The following ARHGAP15 variants were observed in gnomAD, a reference collection of about 807,000 sequenced individuals.
ARHGAP15 encodes the protein Rho GTPase activating protein 15.
In ARHGAP15, 51 loss-of-function variants were observed where a neutral mutation model predicts 63.7. The ratio of observed to expected loss-of-function variants is 0.80; its 90% CI spans 0.64 to 1.01. The LOEUF is 1.01. Ranked by LOEUF, ARHGAP15 falls within the 50% of genes least tolerant of loss-of-function variation. ARHGAP15 has a pLI of 0.00. For synonymous variants in ARHGAP15, 191 were observed against 193.8 expected (o/e 0.99, Z 0.12); for missense variants, 560 against 564.6 (o/e 0.99, Z 0.08).
intron 2 of ARHGAP15, among the ~76,000 whole-genome samples, chr2:143,173,690 G>A (rs930369285): frequency 1.3e-4 from 19 of 151,990 alleles, no homozygotes; most frequent in African/African-American, 4.3e-4. Flanking sequence ...TTTACAGTTT[G>A]CCCCAGGATA....
chr2:143,163,455 A>T (rs1478291405), intron 2 of ARHGAP15, among the ~76,000 whole-genome samples: 1 of 151,600 alleles, frequency 6.6e-6, no homozygotes, highest in African/African-American at 2.4e-5. Flanking sequence ...ATATGGAGAG[A>T]TGTATTTGTA....
intron 6 of ARHGAP15, among the ~76,000 whole-genome samples, chr2:143,307,731 G>A (rs1683240019): frequency 6.6e-6 from 1 of 152,096 alleles, no homozygotes; most frequent in Non-Finnish European, 1.5e-5. Flanking sequence ...ACCTTCCAAT[G>A]ACTTAGGACT....
intron 6 of ARHGAP15, among the ~76,000 whole-genome samples, chr2:143,363,298 T>C (rs563486086): frequency 9.7e-4 from 148 of 152,282 alleles, no homozygotes; most frequent in African/African-American, 3.4e-3. Flanking sequence ...CCCAGCACTT[T>C]TGGAGGCCAA....
chr2:143,300,607 A>G (rs1358227608), intron 6 of ARHGAP15, among the ~76,000 whole-genome samples: 2 of 152,128 alleles, frequency 1.3e-5, no homozygotes, highest in South Asian at 4.1e-4. Flanking sequence ...GGACCCTGGT[A>G]CCTTGCATTC....
intron 13 of ARHGAP15, among the ~76,000 whole-genome samples, chr2:143,746,938 A>T (rs1035238000): frequency 1.3e-5 from 2 of 152,178 alleles, no homozygotes; most frequent in African/African-American, 4.8e-5. Context: ...GGCCATAAGG[A>T]TACATGAGCA....
intron 11 of ARHGAP15, among the ~76,000 whole-genome samples, chr2:143,616,965 T>C (rs1205924644): frequency 2.6e-5 from 4 of 152,200 alleles, no homozygotes; most frequent in Admixed American, 1.3e-4. Flanking sequence ...ATGGCAACCA[T>C]GCAATATTTC....
At chr2:143,566,454 C>T (rs529955898) in intron 11 of ARHGAP15, among the ~76,000 whole-genome samples, 12 of 152,162 alleles carry the variant, frequency 7.9e-5, no homozygotes, top group Admixed American at 7.2e-4. Context: ...CCTTTCCATT[C>T]ACATGGAGCC....
chr2:143,393,653 C>T (rs1046376343), intron 6 of ARHGAP15, among the ~76,000 whole-genome samples: 3 of 140,552 alleles, frequency 2.1e-5, no homozygotes, highest in African/African-American at 8.1e-5. Flanking sequence ...TGGCTTGAAG[C>T]TTGGAGGCAG....
chr2:143,350,051 G>A (rs778540002), intron 6 of ARHGAP15, among the ~76,000 whole-genome samples: 7 of 152,014 alleles, frequency 4.6e-5, no homozygotes, highest in East Asian at 3.9e-4. Context: ...TAATATTATC[G>A]TAGTTTTATT....
At chr2:143,214,221 A>G (rs1357136178) in intron 3 of ARHGAP15, among the ~76,000 whole-genome samples, 2 of 152,198 alleles carry the variant, frequency 1.3e-5, no homozygotes, top group African/African-American at 4.8e-5. Flanking sequence ...AGGTTTTTGT[A>G]GTTTTTTTGG....
At chr2:143,184,758 C>T (rs1012330228) in intron 2 of ARHGAP15, among the ~76,000 whole-genome samples, 3 of 152,052 alleles carry the variant, frequency 2.0e-5, no homozygotes, top group African/African-American at 7.2e-5. Flanking sequence ...TATAGCTCAC[C>T]ACAGCCTTGA....
At chr2:143,133,850 A>G (rs1399045490) in intron 1 of ARHGAP15, among the ~76,000 whole-genome samples, 1 of 152,164 alleles carries the variant, frequency 6.6e-6, no homozygotes, top group Non-Finnish European at 1.5e-5. Context: ...AACCATATAT[A>G]TATGCACATC....
chr2:143,399,366 T>TA (rs1454925508), intron 6 of ARHGAP15, among the ~76,000 whole-genome samples: 5 of 146,044 alleles, frequency 3.4e-5, no homozygotes, highest in South Asian at 2.2e-4. Flanking sequence ...GGCAAAAAAA[T>TA]AAAAAAAAAT....
intron 6 of ARHGAP15, among the ~76,000 whole-genome samples, chr2:143,332,697 T>C (rs552078678): frequency 6.6e-6 from 1 of 152,296 alleles, no homozygotes; most frequent in Non-Finnish European, 1.5e-5. Flanking sequence ...CGATTGCTTT[T>C]ATTTGCTTGG....
At chr2:143,203,186 T>A (rs1394002005) in intron 3 of ARHGAP15, among the ~76,000 whole-genome samples, 1 of 151,902 alleles carries the variant, frequency 6.6e-6, no homozygotes, top group Non-Finnish European at 1.5e-5. Context: ...CCAACAATAA[T>A]TTCTTTTTTT....
intron 9 of ARHGAP15, among the ~76,000 whole-genome samples, chr2:143,513,504 G>A (rs1448023753): frequency 1.3e-5 from 2 of 152,124 alleles, no homozygotes; most frequent in African/African-American, 4.8e-5. Flanking sequence ...TCTATTTGCT[G>A]TCTCTACTTC....
chr2:143,436,939 A>C lies in ARHGAP15; in HGVS notation c.600A>C (p.Arg200Ser). ...CAAAGGATTCAAGTTGTCCATCAAG[A>C]AACCTGGAATTATTCAAAATCCAAA... is the stretch of plus-strand genomic sequence containing the variant. ...RLPKDSSCPSRNLELFKIQRS... is the reference protein window; with the variant it reads ...RLPKDSSCPSSNLELFKIQRS... The change falls in exon 8 of 14, where the codon AGA (arginine) becomes AGC (serine). Residue 200 changes from arginine (R) to serine (S), a missense_variant. Transcript: ENST00000295095. 6.2e-7 allele frequency: 1 copy of C among 1,611,178 alleles called. No individual in the cohort carries two copies.
chr2:143,192,394 C>T, intron 2 of ARHGAP15, among the ~76,000 whole-genome samples: 1 of 152,216 alleles, frequency 6.6e-6, no homozygotes, highest in East Asian at 1.9e-4. Flanking sequence ...ACTAACAACA[C>T]CCTGAATTCA....
At chr2:143,281,271 A>G (rs1349200423) in intron 6 of ARHGAP15, among the ~76,000 whole-genome samples, 1 of 152,214 alleles carries the variant, frequency 6.6e-6, no homozygotes, top group Non-Finnish European at 1.5e-5. Flanking sequence ...GATTTTCAAA[A>G]TACATCAAAT....
Sources: allele counts gnomAD v4.1 joint callset (sites outside exome capture counted in the v4.1 genomes callset), GRCh38; gene constraint gnomAD v4.1.1; transcripts MANE v1.5; gene names NCBI Gene and HGNC (gene_info 2026-07-23, HGNC 2026-07-21).